TMC1: variants seen among roughly 807,000 people sequenced by gnomAD.
The protein encoded by TMC1 is transmembrane channel like 1, also known as transmembrane channel-like protein 1.
In TMC1, 84 loss-of-function variants were observed where a neutral mutation model predicts 105.8. The observed-to-expected ratio is 0.79, with a 90% CI of 0.67 to 0.95. The LOEUF is 0.95. Among genes scored for constraint, TMC1 ranks in the 40% least tolerant of loss-of-function variants. TMC1 has a pLI of 0.00. For synonymous variants in TMC1, 315 were observed against 311.5 expected, an observed-to-expected ratio of 1.01 and a Z score of -0.12; for missense variants, 817 against 914.1, an observed-to-expected ratio of 0.89 and a Z score of 1.37.
At chr9:72,790,262 C>A (rs1049798806) in intron 15 of TMC1, among the ~76,000 whole-genome samples, 2 of 152,086 alleles carry the variant, frequency 1.3e-5, no homozygotes, top group African/African-American at 4.8e-5. Context: ...ATAGAATTTT[C>A]TAAAAAATCT....
intron 1 of TMC1, among the ~76,000 whole-genome samples, chr9:72,546,984 CTT>C (rs1404073270): frequency 6.6e-6 from 1 of 152,040 alleles, no homozygotes; most frequent in Non-Finnish European, 1.5e-5. Flanking sequence ...ATCCGTGAAT[CTT>C]TTTTAAAATT....
chr9:72,803,534 G>A (rs538847692), intron 17 of TMC1, among the ~76,000 whole-genome samples: 18 of 151,912 alleles, frequency 1.2e-4, no homozygotes, highest in East Asian at 7.7e-4. Flanking sequence ...ACAAATTTAC[G>A]AGAAAAAAAC....
intron 5 of TMC1, among the ~76,000 whole-genome samples, chr9:72,676,157 A>G (rs575769487): frequency 2.0e-5 from 3 of 152,192 alleles, no homozygotes; most frequent in Non-Finnish European, 4.4e-5. Context: ...AAGAGCAGAC[A>G]TTGGCGTTGG....
At chr9:72,616,137 T>C (rs765536297) in intron 2 of TMC1, 3 of 152,180 alleles carry the variant, frequency 2.0e-5, no homozygotes, top group Non-Finnish European at 4.4e-5. Context: ...CTGTCATATA[T>C]GGGATGTTTG....
intron 1 of TMC1, among the ~76,000 whole-genome samples, chr9:72,550,286 G>A (rs1399040543): frequency 6.6e-6 from 1 of 151,906 alleles, no homozygotes; most frequent in East Asian, 2.0e-4. Context: ...TGGCCAAAAT[G>A]GTGAAACCCT....
intron 6 of TMC1, among the ~76,000 whole-genome samples, chr9:72,692,580 A>G (rs1481945804): frequency 6.6e-6 from 1 of 152,172 alleles, no homozygotes; most frequent in Non-Finnish European, 1.5e-5. Context: ...AAAATACTAA[A>G]ATTCAGAGTA....
chr9:72,806,296 G>T (rs1828581160), intron 18 of TMC1, among the ~76,000 whole-genome samples: 1 of 149,924 alleles, frequency 6.7e-6, no homozygotes, highest in South Asian at 2.1e-4. Flanking sequence ...AGTAGGGGCA[G>T]CCGGGCAGAG....
chr9:72,686,897 T>C (rs1401872458), intron 5 of TMC1, among the ~76,000 whole-genome samples: 1 of 152,188 alleles, frequency 6.6e-6, no homozygotes, highest in Non-Finnish European at 1.5e-5. Flanking sequence ...TATGGACTTT[T>C]AGGTTTTATT....
chr9:72,592,805 G>C (rs138963604), intron 2 of TMC1, among the ~76,000 whole-genome samples: 1 of 152,314 alleles, frequency 6.6e-6, no homozygotes, highest in African/African-American at 2.4e-5. Flanking sequence ...GGAGATGGTG[G>C]TTGTTAAAAC....
At chr9:72,767,615 G>T (rs1827860522) in intron 12 of TMC1, among the ~76,000 whole-genome samples, 1 of 152,192 alleles carries the variant, frequency 6.6e-6, no homozygotes, top group Non-Finnish European at 1.5e-5. Context: ...GTGGAAATGT[G>T]TTGGTGATTA....
At chr9:72,732,203 G>C (rs1393275119) in intron 8 of TMC1, among the ~76,000 whole-genome samples, 1 of 152,108 alleles carries the variant, frequency 6.6e-6, no homozygotes, top group Non-Finnish European at 1.5e-5. Context: ...TATAATGAGA[G>C]TATACAAATT....
At chr9:72,593,979 G>A (rs56160452) in intron 2 of TMC1, among the ~76,000 whole-genome samples, 17,156 of 152,068 alleles carry the variant, frequency 0.11, 1,112 homozygotes, top group Non-Finnish European at 0.16. Context: ...CATCTATGAC[G>A]GGGAGAGGTA....
intron 15 of TMC1, among the ~76,000 whole-genome samples, chr9:72,791,563 C>T (rs771545419): frequency 1.3e-5 from 2 of 152,110 alleles, no homozygotes; most frequent in Non-Finnish European, 2.9e-5. Context: ...AAGTGCATCA[C>T]CATATCAGAA....
At chr9:72,612,012 C>T (rs1030714076) in intron 2 of TMC1, among the ~76,000 whole-genome samples, 2 of 152,090 alleles carry the variant, frequency 1.3e-5, no homozygotes, top group African/African-American at 2.4e-5. Context: ...CTGCTTTGCC[C>T]TCCTGCTTCT....
intron 5 of TMC1, among the ~76,000 whole-genome samples, chr9:72,655,048 C>T (rs1237859932): frequency 6.6e-6 from 1 of 152,144 alleles, no homozygotes; most frequent in African/African-American, 2.4e-5. Flanking sequence ...AAGGGTGGGA[C>T]CAGGTGGAGG....
chr9:72,721,541 T>G (rs1366306180), intron 8 of TMC1, among the ~76,000 whole-genome samples: 8 of 152,242 alleles, frequency 5.3e-5, no homozygotes. Flanking sequence ...TACAGGAGAC[T>G]GTCTCAATTA....
At chr9:72,645,712 A>G (rs1472161496) in intron 4 of TMC1, among the ~76,000 whole-genome samples, 4 of 152,162 alleles carry the variant, frequency 2.6e-5, no homozygotes, top group African/African-American at 7.2e-5. Flanking sequence ...TAAAGCTCTA[A>G]TTTTGCAAGA....
At chr9:72,740,035 G>A in intron 8 of TMC1, 84 bp from the exon 9 acceptor site, 4 of 1,049,908 alleles carry the variant, frequency 3.8e-6, no homozygotes, top group Non-Finnish European at 1.5e-6. Context: ...TGCAGACCTG[G>A]TAAATTCAAA....
At chr9:72,600,535 T>TATG (rs2132111891) in intron 2 of TMC1, among the ~76,000 whole-genome samples, 1 of 152,286 alleles carries the variant, frequency 6.6e-6, no homozygotes, top group East Asian at 1.9e-4. Context: ...TCTCTTGGAA[T>TATG]ATGGTCGTTT....
Sources: gnomAD v4.1 joint callset for allele counts (sites outside exome capture counted in the v4.1 genomes callset) on GRCh38, gnomAD v4.1.1 for gene constraint, MANE v1.5 for transcripts, NCBI Gene and HGNC (gene_info 2026-07-23, HGNC 2026-07-21) for gene names.